The following SMIM21 variants were observed in gnomAD, a reference collection of about 807,000 sequenced individuals.
SMIM21 encodes the protein chromosome 18 open reading frame 62.
Under a neutral mutation model 8.6 loss-of-function variants are expected in SMIM21, and 8 were observed. The observed-to-expected ratio is 0.93, with a 90% CI of 0.55 to 1.68. The LOEUF is 1.68. Ranked by LOEUF, SMIM21 falls within the 40% of genes most tolerant of loss-of-function variation. SMIM21 has a pLI of 0.00. For synonymous variants in SMIM21, 43 were observed against 41.7 expected (o/e 1.03, Z -0.12); for missense variants, 132 against 123.0 (o/e 1.07, Z -0.35).
chr18:75,418,972 A>G, intron 1 of SMIM21, 56 bp from the exon 2 acceptor site: 1 of 1,157,162 alleles, frequency 8.6e-7, no homozygotes, highest in Non-Finnish European at 1.3e-6. Flanking sequence ...TTCAAGCTTC[A>G]TGCTACAAGC....
chr18:75,419,849 T>G (rs1205516954), intron 1 of SMIM21, among the ~76,000 whole-genome samples: 1 of 152,220 alleles, frequency 6.6e-6, no homozygotes, highest in East Asian at 1.9e-4. Context: ...GGTGGCTCTC[T>G]CTGGTTGCAG....
chr18:75,419,001 C>A, intron 1 of SMIM21, 85 bp from the exon 2 acceptor site: 1 of 768,390 alleles, frequency 1.3e-6, no homozygotes, highest in South Asian at 2.3e-5. Flanking sequence ...CTTTGTCAAA[C>A]AATTAATTTT....
intron 2 of SMIM21, among the ~76,000 whole-genome samples, chr18:75,415,195 G>A (rs2024630722): frequency 6.6e-6 from 1 of 152,186 alleles, no homozygotes. Flanking sequence ...TCCCAGGTAA[G>A]TCTCCATGGA....
chr18:75,420,555 A>C (rs1382910278), intron 1 of SMIM21, among the ~76,000 whole-genome samples: 1 of 152,132 alleles, frequency 6.6e-6, no homozygotes, highest in Non-Finnish European at 1.5e-5. Flanking sequence ...TGCTTGATTA[A>C]ATGATGTTTT....
chr18:75,415,919 T>C (rs2024639082), intron 2 of SMIM21: 1 of 152,240 alleles, frequency 6.6e-6, no homozygotes, highest in African/African-American at 2.4e-5. Context: ...TTCCATTTTA[T>C]GAACTTATCA....
chr18:75,421,125 T>C (rs2024704226), intron 1 of SMIM21, among the ~76,000 whole-genome samples: 1 of 152,224 alleles, frequency 6.6e-6, no homozygotes, highest in African/African-American at 2.4e-5. Flanking sequence ...TTCCTGTAAA[T>C]GTGACTAACT....
chr18:75,414,429 A>G (rs907270348), intron 2 of SMIM21, among the ~76,000 whole-genome samples: 3 of 152,208 alleles, frequency 2.0e-5, no homozygotes, highest in African/African-American at 7.2e-5. Flanking sequence ...ATGCCTCGAC[A>G]TGCCTGCCGG....
intron 1 of SMIM21, among the ~76,000 whole-genome samples, chr18:75,422,182 C>A (rs1478043739): frequency 1.3e-5 from 2 of 152,136 alleles, no homozygotes; most frequent in Non-Finnish European, 2.9e-5. Context: ...TCACAGGATG[C>A]TGTGGGAGGC....
At chr18:75,418,520 G>A (rs933343247) in intron 2 of SMIM21, among the ~76,000 whole-genome samples, 1 of 152,222 alleles carries the variant, frequency 6.6e-6, no homozygotes, top group Non-Finnish European at 1.5e-5. Context: ...ACCTCAGATA[G>A]AAGGAGGTCG....
intron 1 of SMIM21, among the ~76,000 whole-genome samples, chr18:75,419,361 A>T (rs1248860600): frequency 3.3e-5 from 5 of 150,204 alleles, no homozygotes; most frequent in Non-Finnish European, 7.4e-5. Context: ...TCACTGACTG[A>T]TTTTTTTTTT....
In SMIM21 at chr18:75,410,835, A is replaced by G. The variant is rs1449875425; in HGVS notation, c.*29T>C. 1 of 1,613,628 alleles carries G rather than the reference A, an allele frequency of 6.2e-7. No homozygotes were observed. ...TTGAGCAGGGGAAATCCATGGTATGAAGGCCATGAGAGAGAAACGTAGTGT... is the reference window on the plus strand; with the variant it reads ...TTGAGCAGGGGAAATCCATGGTATGGAGGCCATGAGAGAGAAACGTAGTGT... On this transcript the variant is annotated 3_prime_UTR_variant, in exon 3 of 3. Transcript: ENST00000579022.
chr18:75,422,807 A>G (rs1028375763), intron 1 of SMIM21, among the ~76,000 whole-genome samples: 8 of 152,342 alleles, frequency 5.3e-5, no homozygotes, highest in African/African-American at 1.9e-4. Flanking sequence ...AAGAATGGGG[A>G]GGAAGGAGTG....
intron 1 of SMIM21, among the ~76,000 whole-genome samples, chr18:75,426,158 A>C (rs1345168631): frequency 1.3e-5 from 2 of 152,182 alleles, no homozygotes; most frequent in African/African-American, 4.8e-5. Flanking sequence ...TGATTGATGA[A>C]ATTTATAAAG....
chr18:75,418,724 G>T, intron 2 of SMIM21, 62 bp downstream of exon 2: 1 of 1,460,064 alleles, frequency 6.8e-7, no homozygotes. Context: ...TAAGGTTATC[G>T]TTTACTCACT....
chr18:75,418,505 G>A (rs1322699966), intron 2 of SMIM21, among the ~76,000 whole-genome samples: 1 of 152,190 alleles, frequency 6.6e-6, no homozygotes, highest in Non-Finnish European at 1.5e-5. Context: ...CTGTCTCAAG[G>A]AGCGACCTCA....
chr18:75,427,459 C>G lies in SMIM21; in HGVS notation c.105G>C (p.Leu35Phe). The change falls in exon 1 of 3, where the codon TTG (leucine) becomes TTC (phenylalanine). Residue 35 changes from leucine to phenylalanine, a missense_variant. Leu to Phe is a conservative substitution (Grantham distance 22). Coordinates refer to ENST00000579022, the MANE Select transcript of SMIM21 (RefSeq NM_001037331.3). The stretch of plus-strand genomic sequence containing the variant: ...CTGTGGTAAGTGCTTTCTTCTGCAG[C>G]AAATTCCCCTTGAATATCCGTCCCA... ...AGMGRIFKGN[L>F]LQKKALTTFE... The G allele has an allele frequency of 1.2e-6, 2 of 1,614,070 alleles. No individual in the cohort carries two copies. Among genetic ancestry groups the G allele is most frequent in the Non-Finnish European group, 1.7e-6 (2 of 1,179,980 alleles).
In SMIM21 at chr18:75,410,700, C is replaced by T. The variant is rs2024574182; in HGVS notation, c.*164G>A. The T allele has an allele frequency of 2.8e-6, 4 of 1,430,810 alleles. No homozygotes were observed. The highest frequency in any genetic ancestry group is 1.6e-5 in the South Asian group (1 of 61,904). 88.6% of individuals were successfully genotyped at this position (1,430,810 alleles called of 1,614,324 possible). A position where few individuals can be genotyped will look rare whatever the true frequency, so the allele number is the denominator to read the frequency against. Reference sequence around the variant, plus strand: ...CCCTCAAGAACAAAGCAGACATTATCATTGCAAAAAGTTACACGTTCTTCA... The same window carrying T: ...CCCTCAAGAACAAAGCAGACATTATTATTGCAAAAAGTTACACGTTCTTCA... On this transcript the variant is annotated 3_prime_UTR_variant, in exon 3 of 3. Transcript: ENST00000579022.
At chr18:75,420,773 T>C (rs935830307) in intron 1 of SMIM21, among the ~76,000 whole-genome samples, 9 of 152,144 alleles carry the variant, frequency 5.9e-5, no homozygotes, top group African/African-American at 2.2e-4. Context: ...AAGTTGGAGA[T>C]GATGGAGCAG....
intron 2 of SMIM21, among the ~76,000 whole-genome samples, chr18:75,413,390 G>A (rs73973100): frequency 0.011 from 1,700 of 152,216 alleles, 38 homozygotes; most frequent in African/African-American, 0.039. Flanking sequence ...TTACCTACCT[G>A]AACCAGTGGT....
Sources: gnomAD v4.1 joint callset for allele counts (sites outside exome capture counted in the v4.1 genomes callset) on GRCh38, gnomAD v4.1.1 for gene constraint, MANE v1.5 for transcripts, NCBI Gene and HGNC (gene_info 2026-07-23, HGNC 2026-07-21) for gene names.